MYO18A: variants seen among roughly 807,000 people sequenced by gnomAD.
MYO18A encodes unconventional myosin-XVIIIa.
MYO18A carries 78 observed loss-of-function variants against 235.8 expected under a neutral mutation model. That is an observed-to-expected ratio of 0.33 (90% CI 0.28 to 0.40). MYO18A has a LOEUF of 0.40. Among genes scored for constraint, MYO18A ranks in the 10% least tolerant of loss-of-function variants. The probability of loss-of-function intolerance (pLI) is 1.00; values close to 1 mark genes in which losing one functional copy is unlikely to be tolerated. For synonymous variants in MYO18A, 977 were observed against 1,077.8 expected, an observed-to-expected ratio of 0.91 and a Z score of 1.83; for missense variants, 2,215 against 2,699.3, an observed-to-expected ratio of 0.82 and a Z score of 3.98.
intron 34 of MYO18A, 100 bp from the exon 35 acceptor site, chr17:29,091,026 G>A (rs2066386035): frequency 2.1e-6 from 2 of 931,846 alleles, no homozygotes; most frequent in Non-Finnish European, 3.3e-6. Flanking sequence ...AGATGATAAT[G>A]GGCTGAGCCT....
In MYO18A at chr17:29,092,881, G is replaced by A. The variant is rs2152761257; in HGVS notation, c.5047C>T (p.Arg1683Ter). ...DHLKNSAPSK[R>*]EIAQLKNQLE... is the part of the protein sequence containing the mutation. Reference sequence around the variant, plus strand: ...TGGTTCTTGAGCTGGGCAATCTCTCGCTTGCTGGGAGCACTGTTCTTCAGG... The same window carrying A: ...TGGTTCTTGAGCTGGGCAATCTCTCACTTGCTGGGAGCACTGTTCTTCAGG... The change falls in exon 33 of 42, where the codon CGA (arginine) becomes TGA (stop). Residue 1683 changes from arginine to a stop codon, truncating the protein, a stop_gained. Transcript: ENST00000527372. LOFTEE classifies it high-confidence loss of function. 1.9e-6 allele frequency: 3 copies of A among 1,613,912 alleles called. No individual in the cohort carries two copies. Among genetic ancestry groups the A allele is most frequent in the Non-Finnish European group, 2.5e-6 (3 of 1,179,886 alleles).
intron 41 of MYO18A, chr17:29,076,611 G>C (rs2065985487): frequency 6.6e-6 from 1 of 152,206 alleles, no homozygotes; most frequent in Non-Finnish European, 1.5e-5. Context: ...GTCTTACTTT[G>C]ATAGGCCAAA....
chr17:29,099,779 C>G lies in MYO18A; in HGVS notation c.3508-17G>C, dbSNP rs371850336. On this transcript the variant is annotated splice_polypyrimidine_tract_variant and intron_variant, in intron 21 of 41. Coordinates refer to ENST00000527372, the MANE Select transcript of MYO18A (RefSeq NM_078471.4). Reference sequence around the variant, plus strand: ...GAAGAACACCTGTGAAAAAGCAGGCCAGGTGAAGGCAGGATACTGGGCCAG... The same window carrying G: ...GAAGAACACCTGTGAAAAAGCAGGCGAGGTGAAGGCAGGATACTGGGCCAG... 2.1e-5 allele frequency: 33 copies of G among 1,608,510 alleles called. No homozygotes were observed. Among genetic ancestry groups the G allele is most frequent in the Non-Finnish European group, 2.5e-5 (29 of 1,178,118 alleles).
In MYO18A at chr17:29,097,090, G is replaced by T. The variant is rs1323177976; in HGVS notation, c.4230+133C>A. On this transcript the variant is annotated intron_variant, in intron 27 of 41. Coordinates refer to ENST00000527372, the MANE Select transcript of MYO18A (RefSeq NM_078471.4). ...TTGCTCCTGATTGCCCCTGCACCAA[G>T]AAGCTAACATGCCAGCCTCCCCGAT... The T allele has an allele frequency of 2.8e-6, 4 of 1,437,370 alleles. No homozygotes were observed. The African/African-American group carries it at 4.2e-5, about 15-fold the overall frequency. The allele number at this position is 1,437,370 out of a possible 1,614,324, so 89.0% of individuals were successfully genotyped here.
intron 41 of MYO18A, chr17:29,075,982 G>C (rs944285095): frequency 1.3e-5 from 2 of 155,830 alleles, no homozygotes; most frequent in South Asian, 2.1e-4. Flanking sequence ...AGCTGAAAAG[G>C]GACCTTTGTT....
intron 2 of MYO18A, among the ~76,000 whole-genome samples, chr17:29,146,119 G>T (rs1256329646): frequency 6.6e-6 from 1 of 152,074 alleles, no homozygotes; most frequent in East Asian, 1.9e-4. Context: ...TTAGCCAGGC[G>T]TGGTGGCATG....
rs984792310 is a variant in MYO18A, at chr17:29,071,726, T to C, written c.*3044A>G. The C allele has an allele frequency of 2.0e-5, 3 of 152,234 alleles. No individual in the cohort carries two copies. The highest frequency in any genetic ancestry group is 1.9e-4 in the East Asian group (1 of 5,196). The allele number at this position is 152,234 out of a possible 1,614,324, so 9.4% of individuals were successfully genotyped here. Reference sequence around the variant, plus strand: ...ACCTCTTCATCCTTGTTAGGTCTTATGTAATTATTTCCACATGGGTCTGCT... The same window carrying C: ...ACCTCTTCATCCTTGTTAGGTCTTACGTAATTATTTCCACATGGGTCTGCT... On this transcript the variant is annotated 3_prime_UTR_variant, in exon 42 of 42. Transcript: ENST00000527372.
intron 1 of MYO18A, among the ~76,000 whole-genome samples, chr17:29,174,620 GC>G (rs1567651326): frequency 6.6e-6 from 1 of 152,148 alleles, no homozygotes; most frequent in Non-Finnish European, 1.5e-5. Context: ...TTCGAGACTA[GC>G]CTGGCCAACA....
chr17:29,148,454 C>T (rs1348366725), intron 2 of MYO18A, among the ~76,000 whole-genome samples: 1 of 152,186 alleles, frequency 6.6e-6, no homozygotes, highest in African/African-American at 2.4e-5. Flanking sequence ...AGGTGCACTT[C>T]CAGGATGACC....
chr17:29,084,564 T>C (rs992795235), intron 40 of MYO18A, among the ~76,000 whole-genome samples: 6 of 152,178 alleles, frequency 3.9e-5, no homozygotes, highest in African/African-American at 1.2e-4. Context: ...TCCGGGCTCA[T>C]GTGCTATTAG....
At position 29,117,301 on chromosome 17, in the gene MYO18A, C is replaced by T. The variant is rs1011006210; in HGVS notation, c.2038+744G>A. On this transcript the variant is annotated intron_variant, in intron 10 of 41. Transcript: ENST00000527372. This position sits in a 1 kb window ranked among gnomAD's most constrained non-coding sequence, Gnocchi z 4.6. ...TGCCAAAGCTGCAGCCCATTCGTTA[C>T]CACGGTGCCTGCTGCCCCCTAGTGG... Among the ~76,000 whole-genome samples the T allele has an allele frequency of 2.6e-5, 4 of 152,214 alleles. No homozygotes were observed. Among genetic ancestry groups the T allele is most frequent in the Non-Finnish European group, 2.9e-5 (2 of 68,034 alleles).
At position 29,095,032 on chromosome 17, in the gene MYO18A, A is replaced by G; in HGVS notation, c.4413T>C (p.His1471=). Residue 1471 remains histidine, a synonymous_variant, in exon 29 of 42, where the codon CAT becomes CAC. Transcript: ENST00000527372. The part of the protein sequence containing the change: ...RRFDSELSQA[H]EEAQREKLQR... ...GCAGCTTCTCCCGCTGGGCCTCCTC[A>G]TGCGCCTGCGAGAGCTCACTGTCAA... 4 of 1,568,124 alleles carry G rather than the reference A, an allele frequency of 2.6e-6. No individual in the cohort carries two copies. Among genetic ancestry groups the G allele is most frequent in the Non-Finnish European group, 3.5e-6 (4 of 1,155,646 alleles).
chr17:29,154,500 G>A (rs2068025617), intron 2 of MYO18A, among the ~76,000 whole-genome samples: 1 of 152,202 alleles, frequency 6.6e-6, no homozygotes, highest in Non-Finnish European at 1.5e-5. Flanking sequence ...AGTGCTAAGG[G>A]GAATAGGGAT....
At chr17:29,151,295 A>T (rs550789623) in intron 2 of MYO18A, among the ~76,000 whole-genome samples, 16 of 152,264 alleles carry the variant, frequency 1.1e-4, no homozygotes, top group African/African-American at 2.6e-4. Flanking sequence ...AAATCAAATA[A>T]AATTTAAGGT....
At chr17:29,104,264 A>G (rs2152803379) in intron 20 of MYO18A, among the ~76,000 whole-genome samples, 1 of 152,346 alleles carries the variant, frequency 6.6e-6, no homozygotes, top group South Asian at 2.1e-4. Context: ...CCACTTAGGC[A>G]GTAATCCACA....
At chr17:29,133,725 G>T in intron 2 of MYO18A, 1 of 1,133,452 alleles carries the variant, frequency 8.8e-7, no homozygotes, top group Non-Finnish European at 1.2e-6. Context: ...TCTCCCACAA[G>T]CCAGTCTCCT....
At chr17:29,097,494 A>C in intron 26 of MYO18A, 144 bp from the exon 27 acceptor site, 1 of 1,120,830 alleles carries the variant, frequency 8.9e-7, no homozygotes. Flanking sequence ...CTTCCTCCCA[A>C]GGCAGAAGGA....
intron 2 of MYO18A, among the ~76,000 whole-genome samples, chr17:29,137,857 A>C (rs1348619990): frequency 6.6e-6 from 1 of 152,116 alleles, no homozygotes; most frequent in Non-Finnish European, 1.5e-5. Context: ...CAACATGAAC[A>C]CCTGGTATTT....
chr17:29,088,021 G>C (rs773905358), intron 37 of MYO18A, among the ~76,000 whole-genome samples: 4 of 151,060 alleles, frequency 2.6e-5, no homozygotes, highest in Non-Finnish European at 4.4e-5. Flanking sequence ...TTATCAGCCA[G>C]CCTGGGGTTG....
Sources: gnomAD v4.1 joint callset for allele counts (sites outside exome capture counted in the v4.1 genomes callset) on GRCh38, gnomAD v4.1.1 for gene constraint, Gnocchi (gnomAD v3.1) non-coding constraint, MANE v1.5 for transcripts, NCBI Gene and HGNC (gene_info 2026-07-23, HGNC 2026-07-21) for gene names.